The following OSBP2 variants were observed in gnomAD, a reference collection of about 807,000 sequenced individuals.
OSBP2 encodes oxysterol-binding protein 2.
A neutral mutation model predicts 96.0 loss-of-function variants in OSBP2; 66 were observed. The observed-to-expected ratio is 0.69, with a 90% CI of 0.56 to 0.84. The LOEUF is 0.84. Ranked by LOEUF, OSBP2 falls within the 40% of genes least tolerant of loss-of-function variation. The probability of loss-of-function intolerance (pLI) is 0.00; values close to 1 mark genes in which losing one functional copy is unlikely to be tolerated. For missense variants in OSBP2, 1,038 were observed against 1,222.7 expected, an observed-to-expected ratio of 0.85 and a Z score of 2.25; for synonymous variants, 525 against 520.9, an observed-to-expected ratio of 1.01 and a Z score of -0.11.
At chr22:30,730,795 TATATATA>T (rs2089758064) in intron 1 of OSBP2, among the ~76,000 whole-genome samples, 1 of 54,728 alleles carries the variant, frequency 1.8e-5, no homozygotes, top group South Asian at 8.6e-4. Context: ...TATATATATA[TATATATA>T]TATATAATTT....
intron 1 of OSBP2, among the ~76,000 whole-genome samples, chr22:30,708,819 G>A (rs2089298771): frequency 6.6e-6 from 1 of 151,606 alleles, no homozygotes; most frequent in Non-Finnish European, 1.5e-5. Context: ...CATATCCACA[G>A]GCCAGGGGGG....
chr22:30,781,016 C>T (rs1277094918), intron 2 of OSBP2, among the ~76,000 whole-genome samples: 1 of 151,788 alleles, frequency 6.6e-6, no homozygotes, highest in African/African-American at 2.4e-5. Flanking sequence ...GCTGTTGTCA[C>T]TCAGGCTGGA....
chr22:30,705,848 G>C (rs1213806682), intron 1 of OSBP2, among the ~76,000 whole-genome samples: 1 of 152,194 alleles, frequency 6.6e-6, no homozygotes, highest in Non-Finnish European at 1.5e-5. Context: ...AGTGGAGGAG[G>C]GGGAGGGAAG....
intron 3 of OSBP2, among the ~76,000 whole-genome samples, chr22:30,884,138 G>A (rs2039760710): frequency 6.6e-6 from 1 of 152,156 alleles, no homozygotes; most frequent in Non-Finnish European, 1.5e-5. Context: ...ACTCAAAATA[G>A]CCCAGACCTT....
At chr22:30,822,805 C>T (rs1176418213) in intron 2 of OSBP2, 4 of 1,042,716 alleles carry the variant, frequency 3.8e-6, no homozygotes, top group African/African-American at 1.7e-5. Flanking sequence ...TCCACGGGAG[C>T]CTCTGATGTC....
At chr22:30,703,169 AT>A (rs36121870) in intron 1 of OSBP2, among the ~76,000 whole-genome samples, 22,457 of 147,444 alleles carry the variant, frequency 0.15, 1,828 homozygotes, top group Middle Eastern at 0.2. Flanking sequence ...CCAGTATCTT[AT>A]TTTTTTTTTT....
rs116443462 is a variant in OSBP2 at position 30,818,315 on chromosome 22, A to G, written c.854-52114A>G. ...TTTTAGCACGGTTTATTTCCCTGACATTATCACTTACATAAATCTAAACAG... is the reference window on the plus strand; with the variant it reads ...TTTTAGCACGGTTTATTTCCCTGACGTTATCACTTACATAAATCTAAACAG... On this transcript the variant is annotated intron_variant, in intron 2 of 13. Coordinates refer to ENST00000332585, the MANE Select transcript of OSBP2 (RefSeq NM_030758.4). Among the ~76,000 whole-genome samples the G allele has an allele frequency of 9.8e-3, 1,485 of 152,008 alleles. 20 individuals are homozygous for G. The highest frequency in any genetic ancestry group is 0.031 in the African/African-American group (1,281 of 41,438).
chr22:30,707,837 A>G (rs1262760067), intron 1 of OSBP2, among the ~76,000 whole-genome samples: 2 of 152,018 alleles, frequency 1.3e-5, no homozygotes, highest in African/African-American at 4.8e-5. Context: ...TGCTAGGAGA[A>G]CACAGTGACC....
chr22:30,905,514 GA>G lies in OSBP2; in HGVS notation c.2376-314del, dbSNP rs549650976. 5.6e-4 allele frequency among the ~76,000 whole-genome samples: 84 copies of G among 150,594 alleles called. 1 individual carries two copies. The South Asian group carries it at 0.017, about 31-fold the overall frequency. ...GTGAAACTGTCTCAAAAAAGAAGAA[GA>G]AAAAAAAACATAATAGAAAAGAAGA... On this transcript the variant is annotated intron_variant, in intron 12 of 13. Transcript: ENST00000332585.
At chr22:30,830,347 G>A (rs1023138673) in intron 2 of OSBP2, among the ~76,000 whole-genome samples, 2 of 152,212 alleles carry the variant, frequency 1.3e-5, no homozygotes, top group African/African-American at 2.4e-5. Context: ...GTGTCAAGGC[G>A]GAAGGAGGCC....
At chr22:30,842,905 G>A (rs1043033363) in intron 2 of OSBP2, among the ~76,000 whole-genome samples, 10 of 151,966 alleles carry the variant, frequency 6.6e-5, no homozygotes, top group Admixed American at 3.3e-4. Context: ...TCAGCTTCCT[G>A]AGCAGCTGGG....
chr22:30,694,100 T>A, upstream of OSBP2: 1 of 1,532,398 alleles, frequency 6.5e-7, no homozygotes, highest in Non-Finnish European at 8.8e-7. Context: ...CCTCACAGAC[T>A]GCCAGCCTAC....
chr22:30,827,325 G>A (rs2038425531), intron 2 of OSBP2, among the ~76,000 whole-genome samples: 1 of 152,124 alleles, frequency 6.6e-6, no homozygotes, highest in Non-Finnish European at 1.5e-5. Flanking sequence ...TTCCCACACC[G>A]AGTTGTCACT....
intron 2 of OSBP2, among the ~76,000 whole-genome samples, chr22:30,754,226 C>T (rs1420015137): frequency 6.6e-6 from 1 of 152,180 alleles, no homozygotes; most frequent in South Asian, 2.1e-4. Context: ...GTTTTCCCTG[C>T]ACACTCCCTC....
intron 2 of OSBP2, among the ~76,000 whole-genome samples, chr22:30,824,379 A>G (rs779443614): frequency 3.0e-4 from 45 of 152,160 alleles, no homozygotes; most frequent in Non-Finnish European, 5.4e-4. Context: ...GCCAGAACTC[A>G]GCTACCATGT....
At chr22:30,714,941 C>T (rs372907565) in intron 1 of OSBP2, among the ~76,000 whole-genome samples, 9 of 152,226 alleles carry the variant, frequency 5.9e-5, no homozygotes, top group Admixed American at 2.6e-4. Flanking sequence ...TGGATATATA[C>T]GCAAAAGTGG....
chr22:30,854,644 A>AG (rs1260329857), intron 2 of OSBP2, among the ~76,000 whole-genome samples: 1 of 151,446 alleles, frequency 6.6e-6, no homozygotes, highest in Non-Finnish European at 1.5e-5. Flanking sequence ...TAAAGTGAAA[A>AG]AAAAAAAAAA....
rs1318836919 is a variant in OSBP2, at chr22:30,893,126, G to GCCA, written c.1880_1882dup (p.His627dup). The GCCA allele has an allele frequency of 1.9e-6, 3 of 1,613,898 alleles. No homozygotes were observed. Among genetic ancestry groups the GCCA allele is most frequent in the Non-Finnish European group, 2.5e-6 (3 of 1,179,944 alleles). ...ATCCTATGGGTCTGGTCTCAGGTGA[G>GCCA]CCACCACCCCCCCTCAGCTGCGCAC... On this transcript the variant is annotated inframe_insertion, in exon 9 of 14. Transcript: ENST00000332585.
chr22:30,851,785 CTG>C (rs752416789), intron 2 of OSBP2, among the ~76,000 whole-genome samples: 4 of 152,062 alleles, frequency 2.6e-5, no homozygotes, highest in Non-Finnish European at 5.9e-5. Flanking sequence ...ATGATGATAA[CTG>C]TAAGATTTTT....
Sources: allele counts gnomAD v4.1 joint callset (sites outside exome capture counted in the v4.1 genomes callset), GRCh38; gene constraint gnomAD v4.1.1; transcripts MANE v1.5; gene names NCBI Gene and HGNC (gene_info 2026-07-23, HGNC 2026-07-21).